The following TAFA2 variants were observed in gnomAD, a reference collection of about 807,000 sequenced individuals.
TAFA2 encodes TAFA chemokine like family member 2, also known as chemokine-like protein TAFA-2.
In TAFA2, 7 loss-of-function variants were observed where a neutral mutation model predicts 18.8. The observed-to-expected ratio is 0.37, with a 90% confidence interval of 0.21 to 0.70. The LOEUF is 0.70. Ranked by LOEUF, TAFA2 falls within the 30% of genes least tolerant of loss-of-function variation. TAFA2 has a pLI of 0.53. For missense variants in TAFA2, 122 were observed against 158.1 expected (o/e 0.77, Z 1.23); for synonymous variants, 60 against 54.2 (o/e 1.11, Z -0.47).
chr12:62,101,217 G>T (rs536169942), intron 1 of TAFA2, among the ~76,000 whole-genome samples: 10 of 152,166 alleles, frequency 6.6e-5, no homozygotes, highest in Admixed American at 6.5e-4. Flanking sequence ...ATTATGGAAC[G>T]AATTACCCAT....
At chr12:62,075,357 A>G (rs2136810264) in intron 1 of TAFA2, among the ~76,000 whole-genome samples, 1 of 152,324 alleles carries the variant, frequency 6.6e-6, no homozygotes, top group South Asian at 2.1e-4. Flanking sequence ...ATGCTAAGCT[A>G]GAGGGCATAC....
chr12:61,941,973 C>T (rs954032114), intron 1 of TAFA2, among the ~76,000 whole-genome samples: 3 of 152,132 alleles, frequency 2.0e-5, no homozygotes, highest in South Asian at 4.2e-4. Flanking sequence ...GGCCTGCCTG[C>T]CTCTGTAGGC....
chr12:62,188,327 T>G (rs774095909), intron 1 of TAFA2, among the ~76,000 whole-genome samples: 1 of 152,174 alleles, frequency 6.6e-6, no homozygotes, highest in Non-Finnish European at 1.5e-5. Context: ...AAATGTGACT[T>G]AATGAGGCAT....
chr12:62,081,457 A>T (rs1323411238), intron 1 of TAFA2, among the ~76,000 whole-genome samples: 1 of 150,046 alleles, frequency 6.7e-6, no homozygotes, highest in East Asian at 2.0e-4. Context: ...TTTTTCTTCA[A>T]CTTGTTTTTT....
chr12:61,990,757 A>G (rs1190407010), intron 1 of TAFA2, among the ~76,000 whole-genome samples: 1 of 152,236 alleles, frequency 6.6e-6, no homozygotes, highest in Non-Finnish European at 1.5e-5. Context: ...GCACTGTGCA[A>G]TTATGAAGCA....
At chr12:61,970,263 C>G (rs1879204093) in intron 1 of TAFA2, among the ~76,000 whole-genome samples, 1 of 151,480 alleles carries the variant, frequency 6.6e-6, no homozygotes, top group South Asian at 2.1e-4. Context: ...CAGGATAGAA[C>G]AGATAATGGC....
intron 2 of TAFA2, among the ~76,000 whole-genome samples, chr12:61,829,165 TA>T (rs200845495): frequency 0.011 from 1,722 of 151,860 alleles, 20 homozygotes; most frequent in African/African-American, 0.037. Flanking sequence ...ATTGGACACT[TA>T]TAAGAATATA....
chr12:61,962,507 A>G (rs1410435316), intron 1 of TAFA2, among the ~76,000 whole-genome samples: 2 of 151,950 alleles, frequency 1.3e-5, no homozygotes, highest in African/African-American at 4.8e-5. Flanking sequence ...GTCTATATTC[A>G]GGTTTCATTG....
chr12:61,849,376 A>G (rs1002189666), intron 2 of TAFA2, among the ~76,000 whole-genome samples: 19 of 152,178 alleles, frequency 1.2e-4, no homozygotes, highest in Admixed American at 1.2e-3. Context: ...CTGTACTCAT[A>G]ATGAACTTAC....
At chr12:62,059,647 C>T (rs1377246745) in intron 1 of TAFA2, among the ~76,000 whole-genome samples, 1 of 152,056 alleles carries the variant, frequency 6.6e-6, no homozygotes, top group Non-Finnish European at 1.5e-5. Flanking sequence ...GCCATGTGGC[C>T]ACCTGAAGAA....
intron 1 of TAFA2, among the ~76,000 whole-genome samples, chr12:62,213,546 G>A (rs2062722308): frequency 6.6e-6 from 1 of 151,936 alleles, no homozygotes; most frequent in Non-Finnish European, 1.5e-5. Flanking sequence ...AGGAGGCTAA[G>A]GCAGGAGAAT....
At chr12:62,104,603 G>A in intron 1 of TAFA2, 1 of 397,078 alleles carries the variant, frequency 2.5e-6, no homozygotes, top group South Asian at 1.8e-5. Context: ...AGATTCCAGA[G>A]AATGAAAGAA....
intron 2 of TAFA2, among the ~76,000 whole-genome samples, chr12:61,864,944 C>T (rs147445313): frequency 0.011 from 1,627 of 152,120 alleles, 31 homozygotes; most frequent in African/African-American, 0.038. Flanking sequence ...CTAATTAATT[C>T]ACAATAAATA....
chr12:61,760,861 C>T (rs1869512209), intron 2 of TAFA2, among the ~76,000 whole-genome samples: 1 of 149,362 alleles, frequency 6.7e-6, no homozygotes, highest in Non-Finnish European at 1.5e-5. Flanking sequence ...TGTCACAATT[C>T]CCAAGTCACC....
intron 1 of TAFA2, among the ~76,000 whole-genome samples, chr12:61,975,817 A>C (rs7134824): frequency 0.98 from 148,983 of 151,758 alleles, 73,145 homozygotes; most frequent in Middle Eastern, 1. Context: ...AAGGTGACTA[A>C]AGTTAATAAC....
At chr12:61,747,768 T>G (rs1868798269) in intron 4 of TAFA2, among the ~76,000 whole-genome samples, 1 of 149,256 alleles carries the variant, frequency 6.7e-6, no homozygotes, top group African/African-American at 2.5e-5. Flanking sequence ...TAATGCTAGA[T>G]GACGAGTTAG....
chr12:62,082,870 A>T (rs932968304), intron 1 of TAFA2, among the ~76,000 whole-genome samples: 1 of 152,220 alleles, frequency 6.6e-6, no homozygotes, highest in Non-Finnish European at 1.5e-5. Context: ...AAGGAAACTT[A>T]ACACTTAACA....
At chr12:61,847,055 C>T (rs1054463201) in intron 2 of TAFA2, among the ~76,000 whole-genome samples, 1 of 152,172 alleles carries the variant, frequency 6.6e-6, no homozygotes, top group East Asian at 1.9e-4. Context: ...TTTACTTACC[C>T]GCTACACAGC....
chr12:62,186,322 T>C (rs1218062945), intron 1 of TAFA2, among the ~76,000 whole-genome samples: 1 of 152,062 alleles, frequency 6.6e-6, no homozygotes, highest in Admixed American at 6.5e-5. Flanking sequence ...AGCAAATATA[T>C]ATATATTTAT....
Sources: allele counts gnomAD v4.1 joint callset (sites outside exome capture counted in the v4.1 genomes callset), GRCh38; gene constraint gnomAD v4.1.1; transcripts MANE v1.5; gene names NCBI Gene and HGNC (gene_info 2026-07-23, HGNC 2026-07-21).